MTA3: variants seen among roughly 807,000 people sequenced by gnomAD.
MTA3 encodes the protein metastasis associated 1 family member 3.
MTA3 carries 34 observed loss-of-function variants against 83.5 expected under a neutral mutation model. That is an observed-to-expected ratio of 0.41 (90% confidence interval 0.31 to 0.54). The LOEUF is 0.54. Ranked by LOEUF, MTA3 falls within the 20% of genes least tolerant of loss-of-function variation. MTA3 has a pLI of 0.33. For missense variants in MTA3, 761 were observed against 726.4 expected, an observed-to-expected ratio of 1.05 and a Z score of -0.55; for synonymous variants, 303 against 252.7, an observed-to-expected ratio of 1.20 and a Z score of -1.89.
intron 4 of MTA3, among the ~76,000 whole-genome samples, chr2:42,632,454 C>G (rs1169963645): frequency 6.6e-6 from 1 of 152,126 alleles, no homozygotes; most frequent in Non-Finnish European, 1.5e-5. Context: ...GTTGTGGAAC[C>G]TCTGAGAGAT....
chr2:42,544,476 A>C (rs938557735), intron 2 of MTA3, among the ~76,000 whole-genome samples: 5 of 151,872 alleles, frequency 3.3e-5, no homozygotes, highest in Admixed American at 1.3e-4. Flanking sequence ...ACAAAAACAA[A>C]AAAAAAAACA....
chr2:42,625,193 G>A (rs1029813463), intron 4 of MTA3, among the ~76,000 whole-genome samples: 30 of 151,810 alleles, frequency 2.0e-4, no homozygotes, highest in Admixed American at 1.9e-3. Flanking sequence ...CACCATGCCT[G>A]TCTAATTTTT....
At chr2:42,636,226 G>A (rs191496294) in intron 4 of MTA3, among the ~76,000 whole-genome samples, 9 of 152,174 alleles carry the variant, frequency 5.9e-5, no homozygotes, top group South Asian at 2.1e-4. Context: ...GGTAGTCCCC[G>A]CTTCAAGTTG....
Position 42,753,502 on chromosome 2 carries a change from G to T in MTA3, c.*103G>T. ...GCAGCCCCACTCCCAGTACATTTCA[G>T]TGGGAGACCTCTGCGTGCATCCATG... On this transcript the variant is annotated 3_prime_UTR_variant, in exon 17 of 17. Transcript: ENST00000405094. The T allele has an allele frequency of 6.5e-7, 1 of 1,538,816 alleles. No homozygotes were observed. Among genetic ancestry groups the T allele is most frequent in the Non-Finnish European group, 8.8e-7 (1 of 1,140,494 alleles).
chr2:42,750,612 CT>C (rs1669799082), intron 16 of MTA3, among the ~76,000 whole-genome samples: 2 of 152,142 alleles, frequency 1.3e-5, no homozygotes, highest in Non-Finnish European at 2.9e-5. Flanking sequence ...AGAGAAGTTT[CT>C]TCCTATCTGT....
chr2:42,724,902 C>T (rs1232033412), intron 16 of MTA3, among the ~76,000 whole-genome samples: 2 of 152,240 alleles, frequency 1.3e-5, no homozygotes, highest in African/African-American at 2.4e-5. Flanking sequence ...CTTCTCTGCT[C>T]TGAACAGAAG....
rs931184407 is a variant in MTA3 at position 42,640,805 on chromosome 2, A to G, written c.381+569A>G. ...CATAGTTTTAGGTGACATTTAAAGC[A>G]ACATCATTTGTATGGTGGGAAACAT... On this transcript the variant is annotated intron_variant, in intron 5 of 16. Transcript: ENST00000405094. 5.9e-5 allele frequency among the ~76,000 whole-genome samples: 9 copies of G among 152,246 alleles called. 1 individual carries two copies. Among genetic ancestry groups the G allele is most frequent in the African/African-American group, 2.2e-4 (9 of 41,468 alleles).
At chr2:42,536,212 A>C (rs992014148) in intron 2 of MTA3, among the ~76,000 whole-genome samples, 2 of 149,424 alleles carry the variant, frequency 1.3e-5, no homozygotes, top group African/African-American at 2.5e-5. Flanking sequence ...AGTTGCTCAC[A>C]CCTGTAATCC....
chr2:42,691,128 C>T (rs991139844), intron 9 of MTA3, among the ~76,000 whole-genome samples: 4 of 152,022 alleles, frequency 2.6e-5, no homozygotes, highest in African/African-American at 4.8e-5. Context: ...CCGCCCGCCT[C>T]GGCCTCCCAA....
intron 2 of MTA3, among the ~76,000 whole-genome samples, chr2:42,570,970 G>A (rs1000151026): frequency 7.2e-5 from 11 of 151,802 alleles, no homozygotes; most frequent in African/African-American, 2.4e-4. Flanking sequence ...CCAAGATTGT[G>A]CAATTGCACC....
intron 16 of MTA3, among the ~76,000 whole-genome samples, chr2:42,749,304 C>T (rs1177566327): frequency 1.3e-5 from 2 of 152,178 alleles, no homozygotes; most frequent in African/African-American, 2.4e-5. Flanking sequence ...TCATCTCATA[C>T]TGCATGAATG....
intron 3 of MTA3, among the ~76,000 whole-genome samples, chr2:42,604,734 T>C (rs1332162486): frequency 6.9e-6 from 1 of 145,184 alleles, no homozygotes; most frequent in Non-Finnish European, 1.5e-5. Flanking sequence ...CCTGCGGCCT[T>C]CCGCAGTGTT....
chr2:42,750,414 TTC>T (rs1669784829), intron 16 of MTA3, among the ~76,000 whole-genome samples: 1 of 151,886 alleles, frequency 6.6e-6, no homozygotes, highest in Non-Finnish European at 1.5e-5. Flanking sequence ...TGTTTTTTTT[TTC>T]CCTGGTGACC....
chr2:42,574,495 G>A (rs1678833778), intron 2 of MTA3, among the ~76,000 whole-genome samples: 4 of 152,012 alleles, frequency 2.6e-5, no homozygotes, highest in African/African-American at 9.7e-5. Flanking sequence ...GAGTGCAGTA[G>A]CATAGATCCT....
intron 16 of MTA3, among the ~76,000 whole-genome samples, chr2:42,742,945 A>G (rs1347421824): frequency 2.0e-5 from 3 of 152,210 alleles, no homozygotes; most frequent in African/African-American, 7.2e-5. Context: ...CTGTATCTAT[A>G]AAGAGGAACT....
intron 4 of MTA3, among the ~76,000 whole-genome samples, chr2:42,637,227 T>C (rs912228674): frequency 2.0e-5 from 3 of 152,360 alleles, no homozygotes; most frequent in African/African-American, 4.8e-5. Context: ...TACTCCTTTG[T>C]GGTTCTGTGT....
chr2:42,498,438 G>A (rs1572881182), intron 2 of MTA3, among the ~76,000 whole-genome samples: 2 of 152,174 alleles, frequency 1.3e-5, no homozygotes, highest in African/African-American at 4.8e-5. Context: ...GTGGACTGAA[G>A]GTGCTCTCTC....
chr2:42,615,856 G>T (rs1035960099), intron 4 of MTA3, among the ~76,000 whole-genome samples: 32 of 150,232 alleles, frequency 2.1e-4, no homozygotes, highest in Non-Finnish European at 3.5e-4. Flanking sequence ...GAGTAGCTGG[G>T]ACTACAGGCG....
At position 42,756,803 on chromosome 2, in the gene MTA3, C is replaced by G. The variant is rs1326477733; in HGVS notation, c.*3404C>G. The G allele has an allele frequency of 1.0e-6, 1 of 985,422 alleles. No homozygotes were observed. The allele number at this position is 985,422 out of a possible 1,614,324, so 61.0% of individuals were successfully genotyped here. ...GATTTTCCCTGCCAGGGAAGCTAAC[C>G]CAGAGCACGCACCTGTGCTCATGAG... On this transcript the variant is annotated 3_prime_UTR_variant, in exon 17 of 17. Coordinates refer to ENST00000405094, the MANE Select transcript of MTA3 (RefSeq NM_001330442.2).
Sources: gnomAD v4.1 joint callset for allele counts (sites outside exome capture counted in the v4.1 genomes callset) on GRCh38, gnomAD v4.1.1 for gene constraint, MANE v1.5 for transcripts, NCBI Gene and HGNC (gene_info 2026-07-23, HGNC 2026-07-21) for gene names.